The following CREB1 variants were observed in gnomAD, a reference collection of about 807,000 sequenced individuals.
The protein encoded by CREB1 is cAMP responsive element binding protein 1, also known as cyclic AMP-responsive element-binding protein 1.
Under a neutral mutation model 42.0 loss-of-function variants are expected in CREB1, and 2 were observed. That is an observed-to-expected ratio of 0.05 (90% confidence interval 0.02 to 0.15). CREB1 has a LOEUF of 0.15. Ranked by LOEUF, CREB1 falls within the 10% of genes least tolerant of loss-of-function variation. The pLI is 1.00. For synonymous variants in CREB1, 123 were observed against 139.9 expected (o/e 0.88, Z 0.85); for missense variants, 199 against 388.9 (o/e 0.51, Z 4.11).
Position 207,598,933 on chromosome 2 carries a change from A to C in CREB1, c.*1875A>C, listed in dbSNP as rs1257552910. On this transcript the variant is annotated 3_prime_UTR_variant, in exon 8 of 8. Coordinates refer to ENST00000353267, the MANE Select transcript of CREB1 (RefSeq NM_004379.5). Reference sequence around the variant, plus strand: ...GAAAACTAATGTTTTATATTTAGTCAAGAGTTATTTAAGAAAGTCAAGCTT... The same window carrying C: ...GAAAACTAATGTTTTATATTTAGTCCAGAGTTATTTAAGAAAGTCAAGCTT... The C allele has an allele frequency of 1.1e-5, 2 of 182,464 alleles. No homozygotes were observed. The highest frequency in any genetic ancestry group is 1.2e-4 in the Admixed American group (2 of 16,012). The allele number at this position is 182,464 out of a possible 1,614,324, so 11.3% of individuals were successfully genotyped here. A position where few individuals can be genotyped will look rare whatever the true frequency, so the allele number is the denominator to read the frequency against.
intron 1 of CREB1, among the ~76,000 whole-genome samples, chr2:207,543,500 AACTC>A (rs1272632088): frequency 6.6e-6 from 1 of 152,168 alleles, no homozygotes; most frequent in Non-Finnish European, 1.5e-5. Context: ...TGTGTGTAGA[AACTC>A]ACAGTAAGTA....
In CREB1 at chr2:207,581,687, A is replaced by C. The variant is rs1027019313; in HGVS notation, c.839+4032A>C. On this transcript the variant is annotated intron_variant, in intron 7 of 7. Coordinates refer to ENST00000353267, the MANE Select transcript of CREB1 (RefSeq NM_004379.5). Reference sequence around the variant, plus strand: ...GATACCCTTCATCCAGCTTTCTCTAATCTTAGTATATTACATAACCAGGGT... The same window carrying C: ...GATACCCTTCATCCAGCTTTCTCTACTCTTAGTATATTACATAACCAGGGT... 1.3e-5 allele frequency: 7 copies of C among 524,714 alleles called. No homozygotes were observed. In the African/African-American group the frequency reaches 1.4e-4, roughly 10 times the overall value. The allele number at this position is 524,714 out of a possible 1,614,324, so 32.5% of individuals were successfully genotyped here.
intron 5 of CREB1, among the ~76,000 whole-genome samples, chr2:207,571,106 A>AT (rs1405229704): frequency 7.5e-6 from 1 of 134,002 alleles, no homozygotes; most frequent in Non-Finnish European, 1.5e-5. Flanking sequence ...GGTGCTGCCC[A>AT]TTTATACCCT....
intron 1 of CREB1, among the ~76,000 whole-genome samples, chr2:207,549,733 C>G (rs2081427357): frequency 6.6e-6 from 1 of 152,006 alleles, no homozygotes; most frequent in Non-Finnish European, 1.5e-5. Flanking sequence ...CCTGTAGTCC[C>G]AACACTTTGG....
At chr2:207,587,637 G>A (rs1017706023) in intron 7 of CREB1, among the ~76,000 whole-genome samples, 4 of 152,180 alleles carry the variant, frequency 2.6e-5, no homozygotes, top group African/African-American at 7.2e-5. Context: ...TACATCATTT[G>A]TGGCCATGTG....
rs2086663051 is a variant in CREB1, at chr2:207,599,289, CAA to C, written c.*2233_*2234del. 4.9e-6 allele frequency: 1 copy of C among 205,160 alleles called. No homozygotes were observed. Among genetic ancestry groups the C allele is most frequent in the South Asian group, 1.9e-4 (1 of 5,282 alleles). 12.7% of individuals were successfully genotyped at this position (205,160 alleles called of 1,614,324 possible). On this transcript the variant is annotated 3_prime_UTR_variant, in exon 8 of 8. Transcript: ENST00000353267. Reference sequence around the variant, plus strand: ...AAAAACTGGTTTAACAGAAATCAAGCAAAGTCACAAATATGTTCACAAGTTGG... The same window carrying C: ...AAAAACTGGTTTAACAGAAATCAAGCAGTCACAAATATGTTCACAAGTTGG...
chr2:207,594,052 T>C (rs1258592214), intron 7 of CREB1, among the ~76,000 whole-genome samples: 1 of 152,166 alleles, frequency 6.6e-6, no homozygotes, highest in Non-Finnish European at 1.5e-5. Context: ...GTAGAAAATA[T>C]TACCATGTCC....
At chr2:207,592,631 A>C (rs1346585707) in intron 7 of CREB1, among the ~76,000 whole-genome samples, 2 of 151,838 alleles carry the variant, frequency 1.3e-5, no homozygotes, top group Non-Finnish European at 2.9e-5. Flanking sequence ...TAATTTTAGA[A>C]AATTCTTGGC....
chr2:207,604,831 C>G lies in CREB1; in HGVS notation c.*7773C>G, dbSNP rs941450401. ...GGGTATTTCATGTGAGACTCATACA[C>G]TGTGTATTACTTCTTTCGTCTAGCT... On this transcript the variant is annotated 3_prime_UTR_variant, in exon 8 of 8. Transcript: ENST00000353267. Among the ~76,000 whole-genome samples the G allele has an allele frequency of 2.6e-5, 4 of 152,218 alleles. No individual in the cohort carries two copies. The highest frequency in any genetic ancestry group is 1.3e-4 in the Admixed American group (2 of 15,278).
At chr2:207,565,198 A>G (rs2082097007) in intron 3 of CREB1, among the ~76,000 whole-genome samples, 1 of 152,158 alleles carries the variant, frequency 6.6e-6, no homozygotes, top group African/African-American at 2.4e-5. Context: ...ATGACCCTAC[A>G]TTAACACATC....
At chr2:207,576,067 T>G (rs1362348174) in intron 6 of CREB1, among the ~76,000 whole-genome samples, 1 of 151,112 alleles carries the variant, frequency 6.6e-6, no homozygotes, top group Non-Finnish European at 1.5e-5. Flanking sequence ...CCTCAAGCAA[T>G]CCTCCTTTCT....
In CREB1 at chr2:207,603,464, T is replaced by A. The variant is rs979292035; in HGVS notation, c.*6406T>A. ...CTCTTTTTTGGGGATGGGATCTCTATATTTTGTTGGGTTTTTTTTGCTAGT... is the reference window on the plus strand; with the variant it reads ...CTCTTTTTTGGGGATGGGATCTCTAAATTTTGTTGGGTTTTTTTTGCTAGT... On this transcript the variant is annotated 3_prime_UTR_variant, in exon 8 of 8. Transcript: ENST00000353267. The A allele has an allele frequency of 4.4e-6, 1 of 225,218 alleles. No individual in the cohort carries two copies. The highest frequency in any genetic ancestry group is 2.2e-5 in the African/African-American group (1 of 44,940). 14.0% of individuals were successfully genotyped at this position (225,218 alleles called of 1,614,324 possible). A position where few individuals can be genotyped will look rare whatever the true frequency, so the allele number is the denominator to read the frequency against.
rs2087984944 is a variant in CREB1 at position 207,605,759 on chromosome 2, T to TA, written c.*8702dup. Among the ~76,000 whole-genome samples, 1 of 152,196 alleles carries TA rather than the reference T, an allele frequency of 6.6e-6. No individual in the cohort carries two copies. Among genetic ancestry groups the TA allele is most frequent in the Non-Finnish European group, 1.5e-5 (1 of 68,026 alleles). On this transcript the variant is annotated 3_prime_UTR_variant, in exon 8 of 8. Transcript: ENST00000353267. ...TTGGCTGTTTGAAATTTTTTACTGT[T>TA]ACAGATATACAGAGGTTGGTAACTA...
At chr2:207,546,955 T>A (rs573363555) in intron 1 of CREB1, among the ~76,000 whole-genome samples, 2 of 152,336 alleles carry the variant, frequency 1.3e-5, no homozygotes, top group African/African-American at 4.8e-5. Context: ...TCCACATAGT[T>A]CCATTCCCAA....
Position 207,599,152 on chromosome 2 carries a change from C to T in CREB1, c.*2094C>T, listed in dbSNP as rs981698525. On this transcript the variant is annotated 3_prime_UTR_variant, in exon 8 of 8. Coordinates refer to ENST00000353267, the MANE Select transcript of CREB1 (RefSeq NM_004379.5). ...TAGTCTTTATGTTTGGACAGTTCACCAGATTCTCAAGAAGGCTTTCAAACA... is the reference window on the plus strand; with the variant it reads ...TAGTCTTTATGTTTGGACAGTTCACTAGATTCTCAAGAAGGCTTTCAAACA... The T allele has an allele frequency of 5.1e-6, 1 of 195,618 alleles. No individual in the cohort carries two copies. The highest frequency in any genetic ancestry group is 2.3e-5 in the African/African-American group (1 of 43,192). 12.1% of individuals were successfully genotyped at this position (195,618 alleles called of 1,614,324 possible).
intron 7 of CREB1, among the ~76,000 whole-genome samples, chr2:207,584,559 C>T (rs2083478248): frequency 6.6e-6 from 1 of 152,110 alleles, no homozygotes; most frequent in South Asian, 2.1e-4. Context: ...CACCTGCCAC[C>T]ACGTCTGATT....
intron 1 of CREB1, among the ~76,000 whole-genome samples, chr2:207,552,836 G>T (rs1034533135): frequency 6.6e-6 from 1 of 151,806 alleles, no homozygotes; most frequent in Non-Finnish European, 1.5e-5. Context: ...AGCTGATCTC[G>T]AACTCCTGAT....
At position 207,555,733 on chromosome 2, in the gene CREB1, T is replaced by C. The variant is rs755767566; in HGVS notation, c.98T>C (p.Ile33Thr). The C allele has an allele frequency of 3.7e-6, 6 of 1,612,020 alleles. No individual in the cohort carries two copies. The highest frequency in any genetic ancestry group is 5.1e-6 in the Non-Finnish European group (6 of 1,178,296). ...QQMTVQAQPQ[I>T]ATLAQVSMPA... ...ATGACAGTTCAAGCCCAGCCACAGA[T>C]TGCCACATTAGCCCAGGTATAAAAT... The change falls in exon 2 of 8, where the codon ATT (isoleucine) becomes ACT (threonine). Residue 33 changes from isoleucine to threonine, a missense_variant. Transcript: ENST00000353267.
At chr2:207,584,279 T>C (rs1462483028) in intron 7 of CREB1, among the ~76,000 whole-genome samples, 1 of 152,242 alleles carries the variant, frequency 6.6e-6, no homozygotes, top group South Asian at 2.1e-4. Context: ...CCACCAGGAA[T>C]GTATGAGAGT....
Sources: allele counts gnomAD v4.1 joint callset (sites outside exome capture counted in the v4.1 genomes callset), GRCh38; gene constraint gnomAD v4.1.1; transcripts MANE v1.5; gene names NCBI Gene and HGNC (gene_info 2026-07-23, HGNC 2026-07-21).